SYT1: variants seen among roughly 807,000 people sequenced by gnomAD.
The protein encoded by SYT1 is synaptotagmin-1.
SYT1 carries 8 observed loss-of-function variants against 44.8 expected under a neutral mutation model. The ratio of observed to expected loss-of-function variants is 0.18; its 90% CI spans 0.10 to 0.32. The LOEUF is 0.32. SYT1 is among the 10% of genes least tolerant of loss of function. The pLI is 1.00. For missense variants in SYT1, 286 were observed against 509.3 expected (o/e 0.56, Z 4.22); for synonymous variants, 154 against 188.8 (o/e 0.82, Z 1.51).
At chr12:79,364,862 T>C (rs1257205111) in intron 9 of SYT1, among the ~76,000 whole-genome samples, 8 of 152,168 alleles carry the variant, frequency 5.3e-5, no homozygotes, top group Admixed American at 2.6e-4. Context: ...AACTGCAAGA[T>C]TACTCAGTAA....
Position 79,049,100 on chromosome 12 carries a change from G to A in SYT1, c.-18+1738G>A, listed in dbSNP as rs1268389985. On this transcript the variant is annotated intron_variant, in intron 3 of 10. Coordinates refer to ENST00000261205, the MANE Select transcript of SYT1 (RefSeq NM_005639.3). ...CTACTTCACTCCCTCACAATTTCTCGGCCCTCTGAGTATAATTTCATGTGA... is the reference window on the plus strand; with the variant it reads ...CTACTTCACTCCCTCACAATTTCTCAGCCCTCTGAGTATAATTTCATGTGA... Among the ~76,000 whole-genome samples the A allele has an allele frequency of 4.0e-5, 6 of 151,648 alleles. No individual in the cohort carries two copies. In the East Asian group the frequency reaches 7.7e-4, roughly 20 times the overall value.
chr12:78,883,804 T>C (rs76995239), intron 1 of SYT1, among the ~76,000 whole-genome samples: 2,333 of 151,794 alleles, frequency 0.015, 63 homozygotes, highest in African/African-American at 0.053. Flanking sequence ...TATAAATCTC[T>C]ATGGCATCCA....
intron 4 of SYT1, among the ~76,000 whole-genome samples, chr12:79,277,090 C>G (rs1270223885): frequency 6.6e-6 from 1 of 152,028 alleles, no homozygotes; most frequent in Non-Finnish European, 1.5e-5. Context: ...AGGAAATATT[C>G]CCTGGTCTTG....
rs146165654 is a variant in SYT1 at position 78,872,919 on chromosome 12, G to A, written c.-217+7810G>A. 7.9e-5 allele frequency among the ~76,000 whole-genome samples: 12 copies of A among 151,728 alleles called. No individual in the cohort carries two copies. The East Asian group carries it at 1.4e-3, about 17-fold the overall frequency. On this transcript the variant is annotated intron_variant, in intron 1 of 10. Transcript: ENST00000261205. Reference sequence around the variant, plus strand: ...AAAATTTTGCATGTAAAGGGCTTGCGGATAATTTTTAAACCGTAACTTTTT... The same window carrying A: ...AAAATTTTGCATGTAAAGGGCTTGCAGATAATTTTTAAACCGTAACTTTTT...
intron 1 of SYT1, among the ~76,000 whole-genome samples, chr12:78,933,981 T>G (rs1176768656): frequency 6.6e-6 from 1 of 152,144 alleles, no homozygotes; most frequent in Non-Finnish European, 1.5e-5. Flanking sequence ...GGATGCAGTT[T>G]ATATGTCTTT....
chr12:79,382,405 A>G (rs1382107803), intron 9 of SYT1, among the ~76,000 whole-genome samples: 1 of 152,170 alleles, frequency 6.6e-6, no homozygotes, highest in African/African-American at 2.4e-5. Flanking sequence ...AGGAATTTAT[A>G]TTCAAAAATA....
chr12:79,117,997 G>T (rs147798786), intron 3 of SYT1, among the ~76,000 whole-genome samples: 2 of 151,976 alleles, frequency 1.3e-5, no homozygotes, highest in Admixed American at 6.6e-5. Context: ...AGCTAGACAC[G>T]TGGATTAGCA....
At chr12:79,355,976 G>A (rs1883095703) in intron 9 of SYT1, among the ~76,000 whole-genome samples, 1 of 152,038 alleles carries the variant, frequency 6.6e-6, no homozygotes, top group African/African-American at 2.4e-5. Context: ...AGAGATAACA[G>A]GTGCTATGGA....
intron 2 of SYT1, among the ~76,000 whole-genome samples, chr12:79,040,977 A>G (rs959846703): frequency 6.6e-6 from 1 of 151,582 alleles, no homozygotes; most frequent in Non-Finnish European, 1.5e-5. Context: ...TGTTCCATTG[A>G]TCTATATCTC....
chr12:78,941,385 A>G (rs1269228308), intron 1 of SYT1, among the ~76,000 whole-genome samples: 1 of 140,722 alleles, frequency 7.1e-6, no homozygotes, highest in Non-Finnish European at 1.5e-5. Context: ...AACATTTCTT[A>G]ATAGAATCTA....
chr12:79,003,694 C>T (rs887844898), intron 2 of SYT1, among the ~76,000 whole-genome samples: 1 of 151,914 alleles, frequency 6.6e-6, no homozygotes, highest in Non-Finnish European at 1.5e-5. Context: ...ATGATCTATT[C>T]ATACTTGACA....
At chr12:78,917,160 T>G (rs944837771) in intron 1 of SYT1, among the ~76,000 whole-genome samples, 1 of 152,032 alleles carries the variant, frequency 6.6e-6, no homozygotes, top group Non-Finnish European at 1.5e-5. Flanking sequence ...AAATGTTTTC[T>G]TATATTTCCA....
chr12:79,296,528 G>T (rs1356059417), intron 7 of SYT1, among the ~76,000 whole-genome samples: 1 of 152,094 alleles, frequency 6.6e-6, no homozygotes, highest in Non-Finnish European at 1.5e-5. Context: ...TAAAGCCAAA[G>T]GAATGAAATC....
chr12:79,132,642 T>G (rs1322748773), intron 3 of SYT1, among the ~76,000 whole-genome samples: 2 of 81,472 alleles, frequency 2.5e-5, no homozygotes, highest in Admixed American at 3.6e-4. Context: ...TAAATAAGAA[T>G]AGCCCTCATG....
At chr12:79,187,983 C>T (rs998296043) in intron 3 of SYT1, among the ~76,000 whole-genome samples, 1 of 152,116 alleles carries the variant, frequency 6.6e-6, no homozygotes, top group Non-Finnish European at 1.5e-5. Flanking sequence ...TTTCACTGAA[C>T]TATCAAGACT....
intron 3 of SYT1, among the ~76,000 whole-genome samples, chr12:79,180,528 G>C (rs954111997): frequency 6.6e-6 from 1 of 151,742 alleles, no homozygotes. Flanking sequence ...TCTGCAGGCT[G>C]TACAGATAGC....
intron 2 of SYT1, among the ~76,000 whole-genome samples, chr12:79,036,211 C>G (rs1873122990): frequency 6.6e-6 from 1 of 151,674 alleles, no homozygotes; most frequent in African/African-American, 2.4e-5. Context: ...ATTGATGAAA[C>G]TGGGAAAATA....
intron 2 of SYT1, among the ~76,000 whole-genome samples, chr12:78,997,504 AG>A (rs947979896): frequency 1.3e-5 from 2 of 152,176 alleles, no homozygotes; most frequent in Non-Finnish European, 2.9e-5. Flanking sequence ...TTTTAAAAAT[AG>A]GGTTAAACTA....
chr12:78,935,662 A>G (rs550197411), intron 1 of SYT1, among the ~76,000 whole-genome samples: 1 of 152,110 alleles, frequency 6.6e-6, no homozygotes, highest in African/African-American at 2.4e-5. Flanking sequence ...GTTCATGTTA[A>G]TCCTTTCTAA....
Sources: allele counts gnomAD v4.1 joint callset (sites outside exome capture counted in the v4.1 genomes callset), GRCh38; gene constraint gnomAD v4.1.1; transcripts MANE v1.5; gene names NCBI Gene and HGNC (gene_info 2026-07-23, HGNC 2026-07-21).